DOCK3: variants seen among roughly 807,000 people sequenced by gnomAD.
The protein encoded by DOCK3 is dedicator of cytokinesis 3, also known as dedicator of cytokinesis protein 3.
In DOCK3, 60 loss-of-function variants were observed where a neutral mutation model predicts 265.6. The observed-to-expected ratio is 0.23, with a 90% CI of 0.18 to 0.28. DOCK3 has a LOEUF of 0.28. Among genes scored for constraint, DOCK3 ranks in the 10% least tolerant of loss-of-function variants. DOCK3 has a pLI of 1.00. For missense variants in DOCK3, 1,981 were observed against 2,594.3 expected (o/e 0.76, Z 5.14); for synonymous variants, 881 against 938.0 (o/e 0.94, Z 1.11).
intron 49 of DOCK3, among the ~76,000 whole-genome samples, chr3:51,368,850 A>G (rs1419484607): frequency 6.6e-6 from 1 of 152,242 alleles, no homozygotes; most frequent in Admixed American, 6.5e-5. Flanking sequence ...CCCCTCTGAG[A>G]CAAAGCTTCC....
chr3:50,921,783 C>T (rs112564820), intron 4 of DOCK3, among the ~76,000 whole-genome samples: 13,736 of 152,136 alleles, frequency 0.09, 1,246 homozygotes, highest in East Asian at 0.33. Flanking sequence ...CAGTCAGGAC[C>T]CTCAGCTGCA....
chr3:51,312,655 T>A, intron 30 of DOCK3, 79 bp downstream of exon 30: 1 of 1,380,972 alleles, frequency 7.2e-7, no homozygotes, highest in Non-Finnish European at 9.9e-7. Context: ...CTTTCAGAGG[T>A]CCACAAGGTT....
chr3:51,367,343 G>A (rs537345875), intron 49 of DOCK3, among the ~76,000 whole-genome samples: 3 of 151,906 alleles, frequency 2.0e-5, no homozygotes, highest in African/African-American at 7.3e-5. Context: ...CATTTGCTTG[G>A]TAGATCTTCC....
At chr3:51,034,400 TA>T (rs1262934146) in intron 5 of DOCK3, among the ~76,000 whole-genome samples, 2 of 152,122 alleles carry the variant, frequency 1.3e-5, no homozygotes, top group African/African-American at 2.4e-5. Context: ...TTCTTTGCAT[TA>T]TTTTTTGGTT....
intron 27 of DOCK3, among the ~76,000 whole-genome samples, chr3:51,284,684 C>A (rs1201755173): frequency 1.3e-5 from 2 of 152,134 alleles, no homozygotes; most frequent in African/African-American, 4.8e-5. Flanking sequence ...AAACAATAAC[C>A]ATTTAGCAGC....
intron 1 of DOCK3, chr3:50,719,993 A>G (rs2037374176): frequency 1.2e-5 from 4 of 340,774 alleles, no homozygotes; most frequent in Non-Finnish European, 1.7e-5. Context: ...GACAGTTCAG[A>G]TATTTTCTAT....
At chr3:50,812,577 C>T (rs2043825514) in intron 2 of DOCK3, among the ~76,000 whole-genome samples, 1 of 152,272 alleles carries the variant, frequency 6.6e-6, no homozygotes, top group African/African-American at 2.4e-5. Context: ...CAGTCCAAGC[C>T]CAAAGGGCAG....
chr3:50,915,830 G>A (rs1241707863), intron 4 of DOCK3, among the ~76,000 whole-genome samples: 1 of 152,014 alleles, frequency 6.6e-6, no homozygotes, highest in Non-Finnish European at 1.5e-5. Flanking sequence ...TTTTCAAGAT[G>A]AGGGTACTAC....
chr3:51,006,102 G>A (rs1328574123), intron 5 of DOCK3, among the ~76,000 whole-genome samples: 1 of 151,944 alleles, frequency 6.6e-6, no homozygotes, highest in Non-Finnish European at 1.5e-5. Context: ...TTCCAGTTCT[G>A]TCTGCCTAGA....
chr3:50,950,685 A>G (rs1018888236), intron 5 of DOCK3, among the ~76,000 whole-genome samples: 4 of 152,042 alleles, frequency 2.6e-5, no homozygotes, highest in African/African-American at 7.2e-5. Context: ...CCAGGGTTTG[A>G]TACCTCCTGC....
At chr3:50,836,399 A>G (rs1190141949) in intron 2 of DOCK3, among the ~76,000 whole-genome samples, 2 of 152,196 alleles carry the variant, frequency 1.3e-5, no homozygotes, top group Non-Finnish European at 2.9e-5. Flanking sequence ...TAGGGCCAAT[A>G]CCATGTAGAA....
In DOCK3 at chr3:51,356,141, G is replaced by A. The variant is rs773687727; in HGVS notation, c.4302G>A (p.Gln1434=). 9 of 1,614,026 alleles carry A rather than the reference G, an allele frequency of 5.6e-6. No homozygotes were observed. The highest frequency in any genetic ancestry group is 7.6e-6 in the Non-Finnish European group (9 of 1,179,902). The change falls in exon 42 of 53, where the codon CAG becomes CAA. Residue 1434 remains glutamine (Q), a synonymous_variant. Coordinates refer to ENST00000266037, the MANE Select transcript of DOCK3 (RefSeq NM_004947.5). ...TTCCAGATTATGTGGATGTTCTGCA[G>A]ATGGATAGGGTACCAGATCGAGTCA... is the stretch of plus-strand genomic sequence containing the variant. ...TPIPDYVDVL[Q]MDRVPDRVKS...
intron 4 of DOCK3, among the ~76,000 whole-genome samples, chr3:50,900,098 A>C: frequency 6.6e-6 from 1 of 152,112 alleles, no homozygotes; most frequent in East Asian, 1.9e-4. Context: ...TCTCACCGTC[A>C]CTTTCAGGTA....
chr3:51,114,412 A>T (rs1208706909), intron 9 of DOCK3, among the ~76,000 whole-genome samples: 1 of 152,208 alleles, frequency 6.6e-6, no homozygotes, highest in Non-Finnish European at 1.5e-5. Context: ...ACCAGCATCA[A>T]TGCCAGAGGC....
intron 35 of DOCK3, among the ~76,000 whole-genome samples, chr3:51,336,195 A>G (rs945806877): frequency 6.6e-6 from 1 of 152,184 alleles, no homozygotes; most frequent in Non-Finnish European, 1.5e-5. Flanking sequence ...AACTTTAGGT[A>G]CTCAGAGGAA....
chr3:50,862,000 T>A (rs146568178), intron 3 of DOCK3, among the ~76,000 whole-genome samples: 1 of 152,230 alleles, frequency 6.6e-6, no homozygotes, highest in Non-Finnish European at 1.5e-5. Context: ...GTCTCAATTG[T>A]ATAATTGCTT....
At chr3:50,991,902 A>C (rs1292911752) in intron 5 of DOCK3, among the ~76,000 whole-genome samples, 1 of 152,216 alleles carries the variant, frequency 6.6e-6, no homozygotes, top group East Asian at 1.9e-4. Context: ...CTCTTCAATC[A>C]TAGTGCAGTA....
chr3:51,341,130 C>G (rs779501415), intron 37 of DOCK3, 107 bp from the exon 38 acceptor site: 6 of 1,374,744 alleles, frequency 4.4e-6, no homozygotes, highest in Non-Finnish European at 5.8e-6. Context: ...CTGGGCTGCA[C>G]ATGACTTGCG....
At chr3:50,680,813 C>G (rs2034359484) in intron 1 of DOCK3, among the ~76,000 whole-genome samples, 1 of 151,862 alleles carries the variant, frequency 6.6e-6, no homozygotes, top group Admixed American at 6.6e-5. Flanking sequence ...CTGTTGCCTA[C>G]TTTTTAATGG....
Sources: gnomAD v4.1 joint callset for allele counts (sites outside exome capture counted in the v4.1 genomes callset) on GRCh38, gnomAD v4.1.1 for gene constraint, MANE v1.5 for transcripts, NCBI Gene and HGNC (gene_info 2026-07-23, HGNC 2026-07-21) for gene names.